SSBP2: variants seen among roughly 807,000 people sequenced by gnomAD.
SSBP2 encodes single-stranded DNA-binding protein 2.
Under a neutral mutation model 61.8 loss-of-function variants are expected in SSBP2, and 17 were observed. The observed-to-expected ratio is 0.28, with a 90% CI of 0.19 to 0.41. SSBP2 has a LOEUF of 0.41. SSBP2 is among the 10% of genes least tolerant of loss of function. The pLI is 1.00. For synonymous variants in SSBP2, 139 were observed against 141.3 expected (o/e 0.98, Z 0.12); for missense variants, 310 against 458.7 (o/e 0.68, Z 2.96).
chr5:81,495,611 G>C (rs536296265), intron 5 of SSBP2, among the ~76,000 whole-genome samples: 2 of 152,104 alleles, frequency 1.3e-5, no homozygotes, highest in Non-Finnish European at 2.9e-5. Flanking sequence ...CCGATATGAA[G>C]GAACTGTACT....
At chr5:81,445,786 A>C (rs1191689698) in intron 12 of SSBP2, among the ~76,000 whole-genome samples, 1 of 152,168 alleles carries the variant, frequency 6.6e-6, no homozygotes, top group East Asian at 1.9e-4. Context: ...ATAATCAAAA[A>C]TACTTTATAA....
At chr5:81,427,148 G>A (rs1472203561) in intron 16 of SSBP2, among the ~76,000 whole-genome samples, 1 of 152,006 alleles carries the variant, frequency 6.6e-6, no homozygotes, top group African/African-American at 2.4e-5. Context: ...TACTCGAAAA[G>A]GAAATAAATG....
chr5:81,556,428 T>C (rs1366293002), intron 4 of SSBP2, among the ~76,000 whole-genome samples: 6 of 152,080 alleles, frequency 3.9e-5, no homozygotes, highest in African/African-American at 1.4e-4. Flanking sequence ...TGAAGTTAAA[T>C]GAGGAGTAAC....
chr5:81,751,265 C>G (rs1006910822), upstream of SSBP2: 7 of 586,516 alleles, frequency 1.2e-5, no homozygotes, highest in Non-Finnish European at 2.1e-5. Flanking sequence ...CAGCGGCAGT[C>G]TCCTCCCTCC....
At chr5:81,623,218 A>T (rs935109435) in intron 3 of SSBP2, among the ~76,000 whole-genome samples, 4 of 152,192 alleles carry the variant, frequency 2.6e-5, no homozygotes, top group African/African-American at 9.6e-5. Context: ...TTATATGACA[A>T]ACAATATAAT....
chr5:81,602,239 T>C (rs148917393), intron 4 of SSBP2, among the ~76,000 whole-genome samples: 1 of 152,322 alleles, frequency 6.6e-6, no homozygotes, highest in African/African-American at 2.4e-5. Flanking sequence ...ATGTGTGTTG[T>C]CTTGGTCCCT....
chr5:81,473,657 G>T, intron 8 of SSBP2, 43 bp downstream of exon 8: 1 of 1,556,186 alleles, frequency 6.4e-7, no homozygotes, highest in Non-Finnish European at 8.9e-7. Context: ...CATTTGGGTT[G>T]GTTCCATATC....
In SSBP2 at chr5:81,442,684, T is replaced by G. The variant is rs1763110316; in HGVS notation, c.818A>C (p.Asn273Thr). 2 of 1,582,394 alleles carry G rather than the reference T, an allele frequency of 1.3e-6. No homozygotes were observed. Among genetic ancestry groups the G allele is most frequent in the South Asian group, 2.3e-5 (2 of 86,290 alleles). Residue 273 changes from asparagine to threonine, a missense_variant, in exon 13 of 17, where the codon AAT (asparagine) becomes ACT (threonine). Asn to Thr is a moderately conservative substitution (Grantham distance 65). Coordinates refer to ENST00000320672, the MANE Select transcript of SSBP2 (RefSeq NM_012446.5). The stretch of plus-strand genomic sequence containing the variant: ...TCTGTTAGGTCCAGGAGGTACTGCA[T>G]TCATTAAAGTATACATGTTATCACC...
chr5:81,590,947 G>T (rs1775454482), intron 4 of SSBP2, among the ~76,000 whole-genome samples: 1 of 152,186 alleles, frequency 6.6e-6, no homozygotes, highest in African/African-American at 2.4e-5. Flanking sequence ...ACACCCCTGA[G>T]ACGCAGGGAA....
chr5:81,442,888 C>T (rs1455140676), intron 12 of SSBP2, 165 bp from the exon 13 acceptor site: 5 of 401,086 alleles, frequency 1.2e-5, no homozygotes, highest in Non-Finnish European at 2.2e-5. Context: ...CATTTTCTGA[C>T]CCCAAAATTG....
At chr5:81,570,937 C>T (rs988231783) in intron 4 of SSBP2, among the ~76,000 whole-genome samples, 1 of 152,154 alleles carries the variant, frequency 6.6e-6, no homozygotes, top group African/African-American at 2.4e-5. Context: ...ACTGCTCTTC[C>T]ACATTATAGC....
At chr5:81,573,722 T>TA (rs1193581370) in intron 4 of SSBP2, among the ~76,000 whole-genome samples, 1 of 151,912 alleles carries the variant, frequency 6.6e-6, no homozygotes, top group African/African-American at 2.4e-5. Context: ...TGGGACACAA[T>TA]AAAAAAATCC....
In SSBP2 at chr5:81,513,637, C is replaced by A; in HGVS notation, c.363G>T (p.Gly121=). Residue 121 remains glycine (G), a synonymous_variant, in exon 5 of 17, where the codon GGG becomes GGT. Transcript: ENST00000320672. Reference sequence around the variant, plus strand: ...GAGTTTCTCTGAGTACCTGAAAGAACCCTGGTGGTACAGGACCTACTGGCA... The same window carrying A: ...GAGTTTCTCTGAGTACCTGAAAGAAACCTGGTGGTACAGGACCTACTGGCA... The A allele has an allele frequency of 6.2e-7, 1 of 1,608,532 alleles. No homozygotes were observed. Among genetic ancestry groups the A allele is most frequent in the Non-Finnish European group, 8.5e-7 (1 of 1,175,510 alleles).
chr5:81,729,451 A>G (rs367544814), intron 1 of SSBP2, among the ~76,000 whole-genome samples: 31 of 152,294 alleles, frequency 2.0e-4, no homozygotes, highest in South Asian at 1.2e-3. Flanking sequence ...ATGATTTCCT[A>G]TGGGGCTGGG....
At chr5:81,456,163 T>C (rs1764131303) in intron 10 of SSBP2, among the ~76,000 whole-genome samples, 1 of 152,216 alleles carries the variant, frequency 6.6e-6, no homozygotes, top group Non-Finnish European at 1.5e-5. Flanking sequence ...TGGAGTAATT[T>C]GTTCATATTT....
intron 1 of SSBP2, among the ~76,000 whole-genome samples, chr5:81,745,877 A>C (rs1164797859): frequency 6.6e-6 from 1 of 152,148 alleles, no homozygotes; most frequent in Non-Finnish European, 1.5e-5. Flanking sequence ...ATAAACTGCA[A>C]CCTGGGTATT....
chr5:81,670,645 G>GA (rs941959815), intron 1 of SSBP2, among the ~76,000 whole-genome samples: 4 of 152,106 alleles, frequency 2.6e-5, no homozygotes, highest in Non-Finnish European at 4.4e-5. Context: ...GAAAAGCATT[G>GA]AAAATAACTT....
At chr5:81,611,653 T>G (rs1464856726) in intron 4 of SSBP2, among the ~76,000 whole-genome samples, 3 of 152,120 alleles carry the variant, frequency 2.0e-5, no homozygotes, top group Admixed American at 2.0e-4. Context: ...TAAAGATCTT[T>G]CCATTATCAT....
At chr5:81,509,476 T>C (rs1356115582) in intron 5 of SSBP2, among the ~76,000 whole-genome samples, 2 of 152,194 alleles carry the variant, frequency 1.3e-5, no homozygotes, top group Admixed American at 1.3e-4. Context: ...ATTTTGACAT[T>C]ATGACCAGAA....
Sources: allele counts gnomAD v4.1 joint callset (sites outside exome capture counted in the v4.1 genomes callset), GRCh38; gene constraint gnomAD v4.1.1; transcripts MANE v1.5; gene names NCBI Gene and HGNC (gene_info 2026-07-23, HGNC 2026-07-21).